The following RBFA variants were observed in gnomAD, a reference collection of about 807,000 sequenced individuals.
RBFA encodes putative ribosome-binding factor A, mitochondrial.
Under a neutral mutation model 27.9 loss-of-function variants are expected in RBFA, and 16 were observed. The observed-to-expected ratio is 0.57, with a 90% CI of 0.39 to 0.87. The LOEUF (loss-of-function observed/expected upper bound fraction) is 0.87. RBFA is among the 40% of genes least tolerant of loss of function. RBFA has a pLI of 0.00. For missense variants in RBFA, 456 were observed against 432.1 expected (o/e 1.06, Z -0.49); for synonymous variants, 181 against 181.0 (o/e 1.00, Z 0.00).
Position 80,049,214 on chromosome 18 carries a change from A to G in RBFA, c.*3059A>G, listed in dbSNP as rs554859874. ...AGCTCACCCCCTTCTGAATGGGTCC[A>G]CTCCTGGGGATTTCCGCGGCCTTCC... On this transcript the variant is annotated 3_prime_UTR_variant, in exon 7 of 7. Transcript: ENST00000306735. Among the ~76,000 whole-genome samples, 3 of 148,212 alleles carry G rather than the reference A, an allele frequency of 2.0e-5. No homozygotes were observed. Among genetic ancestry groups the G allele is most frequent in the South Asian group, 4.3e-4 (2 of 4,652 alleles).
intron 3 of RBFA, 44 bp from the exon 4 acceptor site, chr18:80,038,461 C>A (rs3744870): frequency 0.49 from 645,377 of 1,323,806 alleles, 162,931 homozygotes; most frequent in East Asian, 0.76. Context: ...GTCTTGAAAA[C>A]CCATGTAAGC....
rs558658716 is a variant in RBFA, at chr18:80,049,999, C to A, written c.*3844C>A. ...TCCAGTATTATCTTTAGTACAGAAT[C>A]TTTTCCTCTCTAAGGGCCTGAGACC... On this transcript the variant is annotated 3_prime_UTR_variant, in exon 7 of 7. Transcript: ENST00000306735. 6.1e-4 allele frequency among the ~76,000 whole-genome samples: 93 copies of A among 152,260 alleles called. 1 individual carries two copies. Among genetic ancestry groups the A allele is most frequent in the Non-Finnish European group, 1.1e-3 (72 of 68,046 alleles).
chr18:80,034,827 G>A, intron 1 of RBFA, 174 bp downstream of exon 1: 2 of 648,184 alleles, frequency 3.1e-6, no homozygotes, highest in Non-Finnish European at 5.0e-6. Flanking sequence ...CAGCTTTTGT[G>A]TTCGTGGACG....
chr18:80,036,345 C>T (rs2051978784), intron 1 of RBFA, among the ~76,000 whole-genome samples: 2 of 152,144 alleles, frequency 1.3e-5, no homozygotes, highest in Non-Finnish European at 2.9e-5. Flanking sequence ...TTTACTTGAA[C>T]TTCCATGGGA....
intron 4 of RBFA, among the ~76,000 whole-genome samples, chr18:80,040,436 T>C (rs551837360): frequency 1.3e-5 from 2 of 151,936 alleles, no homozygotes; most frequent in Admixed American, 6.6e-5. Context: ...TTTGTAGAGA[T>C]AGGATCTCTC....
chr18:80,037,521 CAA>C lies in RBFA; in HGVS notation c.378+17_378+18del, dbSNP rs1461355311. On this transcript the variant is annotated intron_variant, in intron 3 of 6. Transcript: ENST00000306735. Reference sequence around the variant, plus strand: ...AGCTCTCCAAGGTAGGCTGTGTGGCCAAAGAGAAGAAATGGGTTGAGACAGCA... The same window carrying C: ...AGCTCTCCAAGGTAGGCTGTGTGGCCAGAGAAGAAATGGGTTGAGACAGCA... 2 of 1,590,434 alleles carry C rather than the reference CAA, an allele frequency of 1.3e-6. No individual in the cohort carries two copies. Among genetic ancestry groups the C allele is most frequent in the Admixed American group, 3.4e-5 (2 of 58,876 alleles).
At position 80,050,032 on chromosome 18, in the gene RBFA, A is replaced by G. The variant is rs568535830; in HGVS notation, c.*3877A>G. Among the ~76,000 whole-genome samples the G allele has an allele frequency of 9.8e-5, 15 of 152,334 alleles. No individual in the cohort carries two copies. The highest frequency in any genetic ancestry group is 1.5e-4 in the Non-Finnish European group (10 of 68,034). On this transcript the variant is annotated 3_prime_UTR_variant, in exon 7 of 7. Coordinates refer to ENST00000306735, the MANE Select transcript of RBFA (RefSeq NM_024805.3). ...CTCTAAGGGCCTGAGACCCTCTCTT[A>G]GGAATAGAAGTACAGTTTTCTTCCC...
intron 5 of RBFA, among the ~76,000 whole-genome samples, chr18:80,042,903 G>C (rs562852162): frequency 6.6e-6 from 1 of 152,108 alleles, no homozygotes. Flanking sequence ...TGCTGTTTCT[G>C]GTTTTAATTT....
intron 5 of RBFA, among the ~76,000 whole-genome samples, chr18:80,043,473 G>T (rs1309442229): frequency 6.6e-6 from 1 of 152,238 alleles, no homozygotes; most frequent in African/African-American, 2.4e-5. Context: ...AGTGTGCTGT[G>T]AGGGCATGAG....
At chr18:80,044,164 G>C (rs779592538) in intron 5 of RBFA, 48 bp from the exon 6 acceptor site, 6 of 1,478,270 alleles carry the variant, frequency 4.1e-6, no homozygotes, top group Middle Eastern at 1.7e-4. Flanking sequence ...CTGTAAGTAT[G>C]GTGGTGGGGA....
At chr18:80,042,653 C>T (rs1008164634) in intron 5 of RBFA, among the ~76,000 whole-genome samples, 1 of 152,010 alleles carries the variant, frequency 6.6e-6, no homozygotes, top group Non-Finnish European at 1.5e-5. Context: ...CGCCCGTAGT[C>T]TCAGCTGCTC....
Position 80,034,612 on chromosome 18 carries a change from C to G in RBFA, c.117C>G (p.Val39=), listed in dbSNP as rs1281605554. ...GCERGLHCSA[V]SCKNWLKKFA... ...AGCGGGGACTTCACTGCTCTGCTGTCTCCTGCAAGAACTGGCTCAAGAAAT... is the reference window on the plus strand; with the variant it reads ...AGCGGGGACTTCACTGCTCTGCTGTGTCCTGCAAGAACTGGCTCAAGAAAT... Residue 39 remains valine (V), a synonymous_variant, in exon 1 of 7, where the codon GTC becomes GTG. Transcript: ENST00000306735. The G allele has an allele frequency of 6.2e-7, 1 of 1,609,286 alleles. No individual in the cohort carries two copies. The highest frequency in any genetic ancestry group is 2.3e-5 in the East Asian group (1 of 44,138).
At position 80,050,559 on chromosome 18, in the gene RBFA, T is replaced by G. The variant is rs2052089115; in HGVS notation, c.*4404T>G. Among the ~76,000 whole-genome samples, 1 of 152,208 alleles carries G rather than the reference T, an allele frequency of 6.6e-6. No individual in the cohort carries two copies. Among genetic ancestry groups the G allele is most frequent in the African/African-American group, 2.4e-5 (1 of 41,466 alleles). ...AAATTGTTATTGACTATAGTCACCCTTCTGTGCTGCTGCTCTACTGTGGCC... is the reference window on the plus strand; with the variant it reads ...AAATTGTTATTGACTATAGTCACCCGTCTGTGCTGCTGCTCTACTGTGGCC... On this transcript the variant is annotated 3_prime_UTR_variant, in exon 7 of 7. Transcript: ENST00000306735.
intron 1 of RBFA, chr18:80,035,004 A>G (rs1345665032): frequency 3.6e-6 from 1 of 274,926 alleles, no homozygotes; most frequent in Non-Finnish European, 6.9e-6. Flanking sequence ...AAAGCTTGTC[A>G]TGATAATTAG....
chr18:80,041,370 A>G (rs1340574455), intron 4 of RBFA: 1 of 152,118 alleles, frequency 6.6e-6, no homozygotes, highest in Non-Finnish European at 1.5e-5. Flanking sequence ...TTCGCTGGTT[A>G]TATGTGCCGT....
intron 4 of RBFA, chr18:80,041,720 C>CTTTT (rs60801792): frequency 2.8e-5 from 4 of 142,346 alleles, no homozygotes; most frequent in African/African-American, 2.6e-5. Flanking sequence ...ACTCCTGCCT[C>CTTTT]TTTTTTTTTT....
At chr18:80,038,200 T>A (rs376335739) in intron 3 of RBFA, among the ~76,000 whole-genome samples, 169 of 152,168 alleles carry the variant, frequency 1.1e-3, no homozygotes, top group African/African-American at 3.9e-3. Flanking sequence ...CATCGAGCAT[T>A]TTTGATTAGT....
intron 6 of RBFA, 103 bp from the exon 7 acceptor site, chr18:80,045,671 C>T (rs779518273): frequency 5.3e-5 from 71 of 1,330,938 alleles, no homozygotes; most frequent in East Asian, 7.4e-5. Context: ...GGTTCTCAGG[C>T]GAGTAGATGT....
Position 80,045,695 on chromosome 18 carries a change from T to A in RBFA, c.651-79T>A, listed in dbSNP as rs1410894467. On this transcript the variant is annotated intron_variant, in intron 6 of 6. Coordinates refer to ENST00000306735, the MANE Select transcript of RBFA (RefSeq NM_024805.3). Reference sequence around the variant, plus strand: ...GCGAGTAGATGTAGGAAGTGTGATGTGCTGTTGTGTTGTGGCGACGACACT... The same window carrying A: ...GCGAGTAGATGTAGGAAGTGTGATGAGCTGTTGTGTTGTGGCGACGACACT... 6.3e-6 allele frequency: 9 copies of A among 1,439,182 alleles called. No homozygotes were observed. The Admixed American group carries it at 2.2e-4, about 35-fold the overall frequency. 89.2% of individuals were successfully genotyped at this position (1,439,182 alleles called of 1,614,324 possible). A position where few individuals can be genotyped will look rare whatever the true frequency, so the allele number is the denominator to read the frequency against.
Sources: allele counts gnomAD v4.1 joint callset (sites outside exome capture counted in the v4.1 genomes callset), GRCh38; gene constraint gnomAD v4.1.1; transcripts MANE v1.5; gene names NCBI Gene and HGNC (gene_info 2026-07-23, HGNC 2026-07-21).